KLHL6: variants seen among roughly 807,000 people sequenced by gnomAD.
KLHL6 encodes kelch-like protein 6.
KLHL6 carries 41 observed loss-of-function variants against 58.6 expected under a neutral mutation model. The observed-to-expected ratio is 0.70, with a 90% CI of 0.55 to 0.91. The LOEUF is 0.91. KLHL6 is among the 40% of genes least tolerant of loss of function. The pLI, the probability that KLHL6 is intolerant of heterozygous loss-of-function variation, is 0.00. For missense variants in KLHL6, 714 were observed against 805.6 expected (o/e 0.89, Z 1.38); for synonymous variants, 338 against 322.7 (o/e 1.05, Z -0.51).
chr3:183,543,715 T>G (rs1177639266), intron 1 of KLHL6, among the ~76,000 whole-genome samples: 1 of 152,206 alleles, frequency 6.6e-6, no homozygotes. Context: ...ACAAGACACA[T>G]GATCTTTTCA....
chr3:183,534,095 A>AAAGTACTTTAAAAGTACTTTACTTTTG, intron 1 of KLHL6, among the ~76,000 whole-genome samples: 1 of 134,310 alleles, frequency 7.4e-6, no homozygotes, highest in Non-Finnish European at 1.7e-5. Flanking sequence ...CTTTACTTTT[A>AAAGTACTTTAAAAGTACTTTACTTTTG]AAGTACTTTA....
In KLHL6 at chr3:183,508,368, G is replaced by A; in HGVS notation, c.600C>T (p.Asn200=). 6.2e-7 allele frequency: 1 copy of A among 1,614,246 alleles called. No homozygotes were observed. Among genetic ancestry groups the A allele is most frequent in the Non-Finnish European group, 8.5e-7 (1 of 1,180,046 alleles). Residue 200 remains asparagine (N), a synonymous_variant, in exon 3 of 7, where the codon AAC becomes AAT. Transcript: ENST00000341319. The stretch of plus-strand genomic sequence containing the variant: ...CCTCAGAGTTCAGAATCTGCACAAA[G>A]TTTTGAATGATGTAACTCTGAACCT... ...KKQVQSYIIQ[N]FVQILNSEEF...
intron 2 of KLHL6, among the ~76,000 whole-genome samples, chr3:183,509,010 G>A (rs991101229): frequency 5.9e-5 from 9 of 152,118 alleles, no homozygotes; most frequent in African/African-American, 9.7e-5. Flanking sequence ...TGCTAAAGAC[G>A]TCATGGGAAC....
rs1243348209 is a variant in KLHL6 at position 183,508,307 on chromosome 3, T to A, written c.661A>T (p.Ile221Phe). 9.3e-6 allele frequency: 15 copies of A among 1,614,198 alleles called. No homozygotes were observed. The highest frequency in any genetic ancestry group is 1.3e-5 in the Non-Finnish European group (15 of 1,180,016). The change falls in exon 3 of 7, where the codon ATC (isoleucine) becomes TTC (phenylalanine). Residue 221 changes from isoleucine to phenylalanine, a missense_variant. This residue lies in a region of KLHL6 where 510 missense variants were observed against 629.7 expected (regional missense o/e 0.81). Coordinates refer to ENST00000341319, the MANE Select transcript of KLHL6 (RefSeq NM_130446.4). ...LDLPVDTLHHILKSDDLYVTE... is the reference protein window; with the variant it reads ...LDLPVDTLHHFLKSDDLYVTE... Reference sequence around the variant, plus strand: ...ACGTAAAGGTCATCACTCTTCAAGATGTGGTGCAGAGTGTCCACGGGCAGG... The same window carrying A: ...ACGTAAAGGTCATCACTCTTCAAGAAGTGGTGCAGAGTGTCCACGGGCAGG...
chr3:183,555,667 G>A lies in KLHL6; in HGVS notation c.-14C>T, dbSNP rs770704599. The A allele has an allele frequency of 6.4e-7, 1 of 1,564,996 alleles. No homozygotes were observed. Among genetic ancestry groups the A allele is most frequent in the South Asian group, 1.2e-5 (1 of 83,494 alleles). On this transcript the variant is annotated 5_prime_UTR_variant, in exon 1 of 7. Coordinates refer to ENST00000341319, the MANE Select transcript of KLHL6 (RefSeq NM_130446.4). ...TGCCATCAACATCGAGACTGAAGGA[G>A]CGCCCAAGTGTCAGGCAGGCCCCAT... is the stretch of plus-strand genomic sequence containing the variant.
chr3:183,547,292 G>A (rs1043819189), intron 1 of KLHL6, among the ~76,000 whole-genome samples: 5 of 152,172 alleles, frequency 3.3e-5, no homozygotes, highest in South Asian at 2.1e-4. Flanking sequence ...ACTAAAGAGC[G>A]CTGGAGGTGC....
chr3:183,550,880 G>C (rs141380908), intron 1 of KLHL6, among the ~76,000 whole-genome samples: 1,973 of 152,192 alleles, frequency 0.013, 34 homozygotes, highest in African/African-American at 0.045. Context: ...CAGCACTTTG[G>C]GAGGCCAAGG....
At chr3:183,493,940 C>G (rs1439803629) in intron 5 of KLHL6, 139 bp downstream of exon 5, 3 of 755,458 alleles carry the variant, frequency 4.0e-6, no homozygotes, top group Non-Finnish European at 6.9e-6. Flanking sequence ...AGGAGGGAAG[C>G]TCAGAGCCAC....
intron 2 of KLHL6, among the ~76,000 whole-genome samples, chr3:183,512,267 A>G (rs769234909): frequency 3.3e-5 from 5 of 152,158 alleles, no homozygotes; most frequent in Non-Finnish European, 5.9e-5. Flanking sequence ...AGAGGAGAGG[A>G]AAATTAAGTA....
At chr3:183,533,291 CTCTT>C (rs1295253979) in intron 1 of KLHL6, among the ~76,000 whole-genome samples, 1 of 150,956 alleles carries the variant, frequency 6.6e-6, no homozygotes, top group Non-Finnish European at 1.5e-5. Flanking sequence ...CCTTCCTTCC[CTCTT>C]TCTTTCTTCT....
intron 1 of KLHL6, among the ~76,000 whole-genome samples, chr3:183,531,711 G>C (rs1322124091): frequency 6.6e-6 from 1 of 151,936 alleles, no homozygotes; most frequent in Non-Finnish European, 1.5e-5. Context: ...CTCCCAAAGT[G>C]CTGGGATTAC....
At chr3:183,525,526 G>A (rs1711936512) in intron 2 of KLHL6, among the ~76,000 whole-genome samples, 1 of 152,176 alleles carries the variant, frequency 6.6e-6, no homozygotes, top group Admixed American at 6.5e-5. Context: ...AAGGTGGGGT[G>A]TTTATCAGCC....
Position 183,489,158 on chromosome 3 carries a change from T to G in KLHL6, c.*2769A>C, listed in dbSNP as rs1717475367. The G allele has an allele frequency of 1.3e-5, 2 of 152,306 alleles. No individual in the cohort carries two copies. Among genetic ancestry groups the G allele is most frequent in the African/African-American group, 4.8e-5 (2 of 41,578 alleles). 9.4% of individuals were successfully genotyped at this position (152,306 alleles called of 1,614,324 possible). A position where few individuals can be genotyped will look rare whatever the true frequency, so the allele number is the denominator to read the frequency against. On this transcript the variant is annotated 3_prime_UTR_variant, in exon 7 of 7. Coordinates refer to ENST00000341319, the MANE Select transcript of KLHL6 (RefSeq NM_130446.4). ...TATCAAAGGACCGCCATCCCCTCCC[T>G]GACTAGGGGCGCTGTCTTTTTGAAG...
Position 183,489,040 on chromosome 3 carries a change from T to A in KLHL6, c.*2887A>T, listed in dbSNP as rs1051304674. On this transcript the variant is annotated 3_prime_UTR_variant, in exon 7 of 7. Transcript: ENST00000341319. ...TAGTCCAGAAACTTGGGTCCTACAT[T>A]TAGAATCAGGTTTATAGCACAGAAA... 1 of 152,206 alleles carries A rather than the reference T, an allele frequency of 6.6e-6. No homozygotes were observed. Among genetic ancestry groups the A allele is most frequent in the Non-Finnish European group, 1.5e-5 (1 of 68,052 alleles). The allele number at this position is 152,206 out of a possible 1,614,324, so 9.4% of individuals were successfully genotyped here. A position where few individuals can be genotyped will look rare whatever the true frequency, so the allele number is the denominator to read the frequency against.
rs16857666 is a variant in KLHL6, at chr3:183,488,603, C to T, written c.*3324G>A. 8,788 of 152,452 alleles carry T rather than the reference C, an allele frequency of 0.058. 839 individuals are homozygous for T. Among genetic ancestry groups the T allele is most frequent in the African/African-American group, 0.2 (8,347 of 41,528 alleles). The allele number at this position is 152,452 out of a possible 1,614,324, so 9.4% of individuals were successfully genotyped here. On this transcript the variant is annotated 3_prime_UTR_variant, in exon 7 of 7. Transcript: ENST00000341319. The stretch of plus-strand genomic sequence containing the variant: ...CATCCTGCCATGTCCTGCCTGAGTC[C>T]GAGGGTTCTTTGTCTCTGGGTTTAT...
intron 2 of KLHL6, among the ~76,000 whole-genome samples, chr3:183,511,378 T>C (rs1045851168): frequency 1.3e-5 from 2 of 152,182 alleles, no homozygotes; most frequent in Non-Finnish European, 2.9e-5. Flanking sequence ...ACTGAACAAA[T>C]GTACAATCGG....
In KLHL6 at chr3:183,555,525, A is replaced by C; in HGVS notation, c.129T>G (p.Asn43Lys). The C allele has an allele frequency of 6.2e-7, 1 of 1,614,072 alleles. No individual in the cohort carries two copies. The highest frequency in any genetic ancestry group is 8.5e-7 in the Non-Finnish European group (1 of 1,180,000). The part of the protein sequence containing the change: ...QKTGDLVEIL[N>K]GEKVKFDDAG... The stretch of plus-strand genomic sequence containing the variant: ...CGTCGTCAAATTTGACCTTTTCCCC[A>C]TTTAAGATCTCGACCAAGTCTCCTG... Residue 43 changes from asparagine (N) to lysine (K), a missense_variant, in exon 1 of 7, where the codon AAT becomes AAG. By Grantham distance (94) the Asn-to-Lys change is moderately conservative. This residue lies in a region of KLHL6 where 204 missense variants were observed against 175.9 expected (regional missense o/e 1.16). Coordinates refer to ENST00000341319, the MANE Select transcript of KLHL6 (RefSeq NM_130446.4).
At chr3:183,538,548 T>C (rs1007019910) in intron 1 of KLHL6, among the ~76,000 whole-genome samples, 1 of 152,256 alleles carries the variant, frequency 6.6e-6, no homozygotes, top group African/African-American at 2.4e-5. Flanking sequence ...AATGTCCATA[T>C]GTATACAATC....
intron 1 of KLHL6, among the ~76,000 whole-genome samples, chr3:183,541,887 AG>A (rs942428006): frequency 2.7e-4 from 41 of 152,294 alleles, no homozygotes; most frequent in Admixed American, 2.5e-3. Context: ...GGGCAGGAGA[AG>A]GGTTGATAAG....
Sources: gnomAD v4.1 joint callset for allele counts (sites outside exome capture counted in the v4.1 genomes callset) on GRCh38, gnomAD v4.1.1 for gene constraint, gnomAD v4.1.1 regional missense constraint, MANE v1.5 for transcripts, NCBI Gene and HGNC (gene_info 2026-07-23, HGNC 2026-07-21) for gene names.